Variants in SDK1 observed in about 807,000 individuals in gnomAD.
SDK1 encodes sidekick cell adhesion molecule 1, also known as protein sidekick-1.
In SDK1, 157 loss-of-function variants were observed where a neutral mutation model predicts 245.5. The observed-to-expected ratio is 0.64, with a 90% CI of 0.56 to 0.73. The LOEUF (loss-of-function observed/expected upper bound fraction) is 0.73, where lower values mean the gene tolerates loss of function less well. Ranked by LOEUF, SDK1 falls within the 30% of genes least tolerant of loss-of-function variation. SDK1 has a pLI of 0.00. For missense variants in SDK1, 3,583 were observed against 3,002.3 expected (o/e 1.19, Z -4.52); for synonymous variants, 1,647 against 1,278.5 (o/e 1.29, Z -6.15).
At chr7:3,669,777 C>G (rs1356567861) in intron 4 of SDK1, among the ~76,000 whole-genome samples, 1 of 152,188 alleles carries the variant, frequency 6.6e-6, no homozygotes, top group Non-Finnish European at 1.5e-5. Flanking sequence ...AGTTTCAAAC[C>G]TATGTATTCA....
At chr7:3,747,307 A>C (rs1051927307) in intron 4 of SDK1, among the ~76,000 whole-genome samples, 10 of 152,250 alleles carry the variant, frequency 6.6e-5, no homozygotes, top group Non-Finnish European at 1.5e-4. Context: ...GTCTTTAGAA[A>C]ATAATGACAT....
In SDK1 at chr7:3,935,439, G is replaced by A. The variant is rs1049377135; in HGVS notation, c.848-15484G>A. Among the ~76,000 whole-genome samples the A allele has an allele frequency of 3.3e-5, 5 of 152,166 alleles. No individual in the cohort carries two copies. The East Asian group carries it at 5.8e-4, about 18-fold the overall frequency. On this transcript the variant is annotated intron_variant, in intron 5 of 44. Transcript: ENST00000404826. The stretch of plus-strand genomic sequence containing the variant: ...AGGACACTGTCAACAGAGTGAAAAG[G>A]CAACCTGTGGAATGGGAGGAAGTAT...
At chr7:4,143,249 A>G (rs1395514711) in intron 28 of SDK1, among the ~76,000 whole-genome samples, 1 of 152,138 alleles carries the variant, frequency 6.6e-6, no homozygotes, top group Non-Finnish European at 1.5e-5. Flanking sequence ...TCCGGGGAAT[A>G]AGGTTCCATG....
intron 4 of SDK1, among the ~76,000 whole-genome samples, chr7:3,650,748 C>A (rs1467129710): frequency 6.6e-6 from 1 of 152,146 alleles, no homozygotes; most frequent in African/African-American, 2.4e-5. Context: ...CACTAATCTG[C>A]TTTTCCTTTC....
chr7:3,853,941 A>G (rs1010163155), intron 5 of SDK1, among the ~76,000 whole-genome samples: 1 of 152,086 alleles, frequency 6.6e-6, no homozygotes, highest in Non-Finnish European at 1.5e-5. Flanking sequence ...GTGAGCCGAG[A>G]TTGCACCACT....
intron 5 of SDK1, among the ~76,000 whole-genome samples, chr7:3,856,823 G>A (rs1305025569): frequency 1.3e-5 from 2 of 152,080 alleles, no homozygotes; most frequent in Non-Finnish European, 2.9e-5. Context: ...CTACTTATAG[G>A]ATATAAATTT....
intron 32 of SDK1, among the ~76,000 whole-genome samples, chr7:4,173,154 A>G (rs1447654493): frequency 1.3e-5 from 2 of 152,212 alleles, no homozygotes; most frequent in Non-Finnish European, 2.9e-5. Context: ...TCCTCTGACG[A>G]GGCTTCGTGG....
intron 35 of SDK1, among the ~76,000 whole-genome samples, chr7:4,192,312 G>A (rs1187728380): frequency 6.6e-6 from 1 of 152,132 alleles, no homozygotes; most frequent in Non-Finnish European, 1.5e-5. Flanking sequence ...GTCTCACTCT[G>A]TCGCCCAGGC....
At position 3,611,210 on chromosome 7, in the gene SDK1, G is replaced by A. The variant is rs943428114; in HGVS notation, c.299-7870G>A. Among the ~76,000 whole-genome samples the A allele has an allele frequency of 7.9e-5, 12 of 152,210 alleles. No individual in the cohort carries two copies. In the East Asian group the frequency reaches 9.7e-4, roughly 12 times the overall value. ...AAGTATATTTGAAAGTCTACCACTGGGAAGTATTTAGAAATATTTATGATA... is the reference window on the plus strand; with the variant it reads ...AAGTATATTTGAAAGTCTACCACTGAGAAGTATTTAGAAATATTTATGATA... On this transcript the variant is annotated intron_variant, in intron 1 of 44. Transcript: ENST00000404826.
At chr7:4,254,011 C>T (rs964426748) in intron 44 of SDK1, among the ~76,000 whole-genome samples, 1 of 152,054 alleles carries the variant, frequency 6.6e-6, no homozygotes, top group African/African-American at 2.4e-5. Context: ...GTGTCTTACT[C>T]TAGTATTATT....
chr7:4,166,865 T>A (rs971872255), intron 32 of SDK1, among the ~76,000 whole-genome samples: 2 of 152,152 alleles, frequency 1.3e-5, no homozygotes, highest in African/African-American at 2.4e-5. Context: ...CAGAGAGAGC[T>A]GGGTGGGAGG....
intron 1 of SDK1, among the ~76,000 whole-genome samples, chr7:3,541,709 A>G (rs1779057415): frequency 6.6e-6 from 1 of 152,228 alleles, no homozygotes; most frequent in Non-Finnish European, 1.5e-5. Context: ...TGTATCTGAC[A>G]TAGGGGAGCT....
chr7:4,189,812 A>G (rs1242913046), intron 35 of SDK1, among the ~76,000 whole-genome samples: 2 of 152,190 alleles, frequency 1.3e-5, no homozygotes, highest in Admixed American at 6.5e-5. Context: ...AAATAAAATC[A>G]GTTGGTGGCT....
At chr7:3,509,565 C>T (rs1471962078) in intron 1 of SDK1, among the ~76,000 whole-genome samples, 4 of 152,130 alleles carry the variant, frequency 2.6e-5, no homozygotes, top group Non-Finnish European at 4.4e-5. Context: ...TTACAGTTCC[C>T]AAAGTGAGAC....
chr7:3,593,855 G>A (rs1780967561), intron 1 of SDK1, among the ~76,000 whole-genome samples: 1 of 152,126 alleles, frequency 6.6e-6, no homozygotes, highest in African/African-American at 2.4e-5. Context: ...ACCCCTGTGT[G>A]CCCGTTTTCT....
chr7:3,951,043 C>T lies in SDK1; in HGVS notation c.959+9C>T, dbSNP rs542523056. 29 of 1,582,582 alleles carry T rather than the reference C, an allele frequency of 1.8e-5. No individual in the cohort carries two copies. The highest frequency in any genetic ancestry group is 1.8e-4 in the East Asian group (8 of 44,710). On this transcript the variant is annotated intron_variant, in intron 6 of 44. Transcript: ENST00000404826. ...TGTATAGCCAGTGCCAGGTACGAGG[C>T]GCGTCTCCTGTGAGACTCCTAGTAA...
chr7:3,540,626 C>T (rs1482854658), intron 1 of SDK1, among the ~76,000 whole-genome samples: 1 of 152,174 alleles, frequency 6.6e-6, no homozygotes, highest in African/African-American at 2.4e-5. Context: ...CAGTGAATTG[C>T]TTATGAATGC....
At chr7:3,680,049 G>C (rs923897569) in intron 4 of SDK1, among the ~76,000 whole-genome samples, 1 of 152,124 alleles carries the variant, frequency 6.6e-6, no homozygotes, top group Non-Finnish European at 1.5e-5. Flanking sequence ...TTCCTCAGTG[G>C]GTGAAAGAGT....
At chr7:3,999,914 A>G (rs1457038396) in intron 14 of SDK1, among the ~76,000 whole-genome samples, 1 of 152,128 alleles carries the variant, frequency 6.6e-6, no homozygotes. Flanking sequence ...AGAGGGACCA[A>G]ATGATGCCAG....
Sources: allele counts gnomAD v4.1 joint callset (sites outside exome capture counted in the v4.1 genomes callset), GRCh38; gene constraint gnomAD v4.1.1; transcripts MANE v1.5; gene names NCBI Gene and HGNC (gene_info 2026-07-23, HGNC 2026-07-21).